LILRA6: variants seen among roughly 807,000 people sequenced by gnomAD.
The protein encoded by LILRA6 is leukocyte immunoglobulin like receptor A6, also known as leukocyte immunoglobulin-like receptor subfamily A member 6.
A neutral mutation model predicts 53.9 loss-of-function variants in LILRA6; 16 were observed. That is an observed-to-expected ratio of 0.30 (90% CI 0.20 to 0.45). The LOEUF (loss-of-function observed/expected upper bound fraction) is 0.45. Among genes scored for constraint, LILRA6 ranks in the 20% least tolerant of loss-of-function variants. The pLI, the probability that LILRA6 is intolerant of heterozygous loss-of-function variation, is 1.00. For missense variants in LILRA6, 306 were observed against 618.6 expected, an observed-to-expected ratio of 0.49 and a Z score of 5.36; for synonymous variants, 135 against 256.4, an observed-to-expected ratio of 0.53 and a Z score of 4.52.
In LILRA6 at chr19:54,242,734, T is replaced by C. The variant is rs766574003; in HGVS notation, c.18A>G (p.Ala6=). Residue 6 remains alanine (A), a synonymous_variant, in exon 1 of 8, where the codon GCA becomes GCG. Transcript: ENST00000396365. ...AAATCTCACCTAGGCAGAGCAGGGC[T>C]GCGAGGGTGGGGGTCATGGCGTCTC... 2 of 1,067,500 alleles carry C rather than the reference T, an allele frequency of 1.9e-6. 1 individual carries two copies. The highest frequency in any genetic ancestry group is 3.8e-5 in the African/African-American group (2 of 52,248). 66.1% of individuals were successfully genotyped at this position (1,067,500 alleles called of 1,614,324 possible). A position where few individuals can be genotyped will look rare whatever the true frequency, so the allele number is the denominator to read the frequency against.
At position 54,239,040 on chromosome 19, in the gene LILRA6, C is replaced by T. The variant is rs1470301455; in HGVS notation, c.1359G>A (p.Met453Ile). ...CGAGGAACACCAGGACCAAGCCTGC[C>T]ATGCCCATGCGGATGAGATTCTCCA... Residue 453 changes from methionine (M) to isoleucine (I), a missense_variant, in exon 8 of 8, where the codon ATG becomes ATA. Met to Ile is a conservative substitution (Grantham distance 10). Transcript: ENST00000396365. The T allele has an allele frequency of 2.5e-6, 4 of 1,611,428 alleles. No homozygotes were observed. The South Asian group carries it at 3.3e-5, about 13-fold the overall frequency.
chr19:54,242,472 G>A lies in LILRA6; in HGVS notation c.70+47C>T. The A allele has an allele frequency of 2.8e-6, 3 of 1,077,628 alleles. 1 individual carries two copies. The highest frequency in any genetic ancestry group is 3.8e-6 in the Non-Finnish European group (3 of 783,974). 66.8% of individuals were successfully genotyped at this position (1,077,628 alleles called of 1,614,324 possible). ...CCCCAGCTGCCCATGTGTGGCCCTT[G>A]TCCCTAGTAAGGATGAGGGACCTGG... is the stretch of plus-strand genomic sequence containing the variant. On this transcript the variant is annotated intron_variant, in intron 2 of 7. Transcript: ENST00000396365.
chr19:54,241,031 T>C, exon 5 of LILRA6: 1 of 1,612,976 alleles, frequency 6.2e-7, no homozygotes, highest in Non-Finnish European at 8.5e-7. Context: ...AACAAATCTG[T>C]CGTAGCCGAC....
exon 6 of LILRA6, chr19:54,240,291 A>C: frequency 6.2e-7 from 1 of 1,603,720 alleles, no homozygotes; most frequent in South Asian, 1.2e-5. Context: ...CATGAGTTCC[A>C]GGGGCTCACT....
At chr19:54,240,500 C>T (rs2078727268) in exon 6 of LILRA6, 3 of 1,602,232 alleles carry the variant, frequency 1.9e-6, no homozygotes, top group East Asian at 2.2e-5. Context: ...ATGACTGACA[C>T]AGCAGGGTCA....
chr19:54,236,941 A>C (rs1338480651), downstream of LILRA6: 1 of 151,094 alleles, frequency 6.6e-6, no homozygotes, highest in Non-Finnish European at 1.5e-5. Flanking sequence ...CGGGTGCAGA[A>C]ATACAGGTGG....
chr19:54,242,104 C>A, exon 3 of LILRA6: 1 of 1,394,544 alleles, frequency 7.2e-7, no homozygotes, highest in South Asian at 1.4e-5. Context: ...TATCTCCCCG[C>A]ATGGTGCTCT....
At chr19:54,239,879 C>T (rs776699063) in intron 7 of LILRA6, 22 bp downstream of exon 7, 3 of 1,553,442 alleles carry the variant, frequency 1.9e-6, no homozygotes, top group Non-Finnish European at 2.6e-6. Context: ...GCGGCGCTCC[C>T]CACGAGGCCT....
At chr19:54,241,805 T>C (rs572308331) in exon 4 of LILRA6, 1 of 1,328,750 alleles carries the variant, frequency 7.5e-7, no homozygotes, top group South Asian at 1.5e-5. Context: ...GTGAGCCACA[T>C]TGGAGGGTCA....
At chr19:54,237,418 T>C (rs2078653053), downstream of LILRA6, 1 of 150,850 alleles carries the variant, frequency 6.6e-6, no homozygotes, top group Non-Finnish European at 1.5e-5. Context: ...GGAACCTTTA[T>C]TGGATCGTTA....
exon 8 of LILRA6, chr19:54,238,956 C>T: frequency 6.2e-7 from 1 of 1,611,088 alleles, no homozygotes. Context: ...CCGCTGTTCA[C>T]CTCCCGGCTG....
intron 7 of LILRA6, 135 bp from the exon 8 acceptor site, chr19:54,239,224 C>G (rs2078683288): frequency 6.5e-7 from 1 of 1,550,292 alleles, no homozygotes; most frequent in African/African-American, 1.4e-5. Context: ...CCATAACTGT[C>G]TGACTTGTTT....
chr19:54,237,575 C>G (rs1315977629), downstream of LILRA6: 1 of 151,206 alleles, frequency 6.6e-6, no homozygotes, highest in Non-Finnish European at 1.5e-5. Flanking sequence ...TGCCCGCGTC[C>G]AGTGGTCCTT....
At chr19:54,238,198 C>G (rs2147501812), downstream of LILRA6, 1 of 150,560 alleles carries the variant, frequency 6.6e-6, no homozygotes, top group South Asian at 2.1e-4. Context: ...CCACCACGCC[C>G]AGCTAATGTT....
In LILRA6 at chr19:54,238,807, A is replaced by C. The variant is rs955535363; in HGVS notation, c.*146T>G. On this transcript the variant is annotated 3_prime_UTR_variant, in exon 8 of 8. Transcript: ENST00000396365. ...GTAAGGTGGAGACCCAAAATTTGTG[A>C]TCAGACATGATTACCTTCCACAGTG... is the stretch of plus-strand genomic sequence containing the variant. 12 of 1,411,328 alleles carry C rather than the reference A, an allele frequency of 8.5e-6. 1 individual carries two copies. The Middle Eastern group carries it at 5.7e-4, about 67-fold the overall frequency. The allele number at this position is 1,411,328 out of a possible 1,614,324, so 87.4% of individuals were successfully genotyped here. A position where few individuals can be genotyped will look rare whatever the true frequency, so the allele number is the denominator to read the frequency against.
At chr19:54,237,735 A>T (rs1350406170), downstream of LILRA6, 6 of 150,830 alleles carry the variant, frequency 4.0e-5, no homozygotes, top group African/African-American at 1.5e-4. Flanking sequence ...CTTCATGTGC[A>T]CACCTTCTTT....
intron 7 of LILRA6, chr19:54,239,311 G>A: frequency 1.4e-6 from 2 of 1,382,158 alleles, no homozygotes; most frequent in Non-Finnish European, 1.9e-6. Context: ...CTCTCCCCTG[G>A]GCTCTGCGTT....
chr19:54,239,787 C>T (rs555149077), intron 7 of LILRA6, 114 bp downstream of exon 7: 1 of 1,550,710 alleles, frequency 6.4e-7, no homozygotes, highest in Admixed American at 2.0e-5. Context: ...ACCAGCCCAG[C>T]CTCAGAGCCC....
At chr19:54,240,480 A>C (rs1228509789) in exon 6 of LILRA6, 3 of 1,571,392 alleles carry the variant, frequency 1.9e-6, no homozygotes, top group Admixed American at 3.4e-5. Context: ...GAAAGTGTCA[A>C]ACTGCCACCA....
Sources: gnomAD v4.1 joint callset for allele counts on GRCh38, gnomAD v4.1.1 for gene constraint, MANE v1.5 for transcripts, NCBI Gene and HGNC (gene_info 2026-07-23, HGNC 2026-07-21) for gene names.